Variants in IL1RAPL2 observed in about 807,000 individuals in gnomAD.
The protein encoded by IL1RAPL2 is interleukin 1 receptor accessory protein like 2.
IL1RAPL2 carries 3 observed loss-of-function variants against 44.1 expected under a neutral mutation model. The ratio of observed to expected loss-of-function variants is 0.07; its 90% CI spans 0.03 to 0.18. The LOEUF is 0.18. IL1RAPL2 is among the 10% of genes least tolerant of loss of function. IL1RAPL2 has a pLI of 1.00. For missense variants in IL1RAPL2, 391 were observed against 496.4 expected (o/e 0.79, Z 2.02); for synonymous variants, 181 against 178.8 (o/e 1.01, Z -0.10).
At chrX:105,204,122 G>A (rs2033740733) in intron 3 of IL1RAPL2, among the ~76,000 whole-genome samples, 1 of 110,429 alleles carries the variant, frequency 9.1e-6, no homozygotes, top group Non-Finnish European at 1.9e-5. Flanking sequence ...TCAAAGTGAA[G>A]CAGGAAAATC....
intron 5 of IL1RAPL2, among the ~76,000 whole-genome samples, chrX:105,305,355 C>A (rs1208039178): frequency 4.5e-5 from 5 of 111,753 alleles, no homozygotes; most frequent in South Asian, 7.5e-4. Flanking sequence ...CACATACACA[C>A]ACACACGCAC....
At chrX:105,707,727 T>C in intron 6 of IL1RAPL2, among the ~76,000 whole-genome samples, 1 of 112,219 alleles carries the variant, frequency 8.9e-6, no homozygotes. Context: ...TGGGTTTCTG[T>C]GATGATTAAT....
intron 6 of IL1RAPL2, among the ~76,000 whole-genome samples, chrX:105,530,272 T>C (rs752726214): frequency 8.9e-6 from 1 of 111,885 alleles, no homozygotes; most frequent in South Asian, 3.7e-4. Context: ...AGAATGTGTA[T>C]GAAGTGGGTG....
In IL1RAPL2 at chrX:104,625,225, TG is replaced by T. The variant is rs754766565; in HGVS notation, c.-19-33669del. On this transcript the variant is annotated intron_variant, in intron 1 of 10. Coordinates refer to ENST00000372582, the MANE Select transcript of IL1RAPL2 (RefSeq NM_017416.2). ...CCACATATTCATCTATCCACATACC[TG>T]TGCACCAAATTATTTCTTACTTACT... is the stretch of plus-strand genomic sequence containing the variant. 1.8e-4 allele frequency among the ~76,000 whole-genome samples: 20 copies of T among 111,508 alleles called. 1 individual carries two copies. In the South Asian group the frequency reaches 6.4e-3, roughly 35 times the overall value.
intron 1 of IL1RAPL2, among the ~76,000 whole-genome samples, chrX:104,628,038 A>C (rs1383300225): frequency 1.8e-5 from 2 of 111,605 alleles, no homozygotes; most frequent in Admixed American, 9.6e-5. Context: ...GAACTAAATA[A>C]TTTTATATTT....
intron 2 of IL1RAPL2, among the ~76,000 whole-genome samples, chrX:104,901,432 G>C (rs1014670206): frequency 6.5e-5 from 7 of 108,431 alleles, no homozygotes; most frequent in Non-Finnish European, 1.3e-4. Context: ...AGGATGGTCT[G>C]GATCTCCTGA....
rs753635950 is a variant in IL1RAPL2 at position 104,932,291 on chromosome X, G to A, written c.83-263184G>A. On this transcript the variant is annotated intron_variant, in intron 2 of 10. Transcript: ENST00000372582. ...TGGGATTACAGGCGTGAGCCACCGC[G>A]CTCGGCCACTATGAGTATATATTAA... Among the ~76,000 whole-genome samples, 74 of 110,183 alleles carry A rather than the reference G, an allele frequency of 6.7e-4. 1 individual carries two copies. Among genetic ancestry groups the A allele is most frequent in the African/African-American group, 1.8e-3 (56 of 30,342 alleles).
intron 2 of IL1RAPL2, among the ~76,000 whole-genome samples, chrX:105,150,232 T>C (rs934436234): frequency 8.9e-6 from 1 of 111,739 alleles, no homozygotes; most frequent in Non-Finnish European, 1.9e-5. Flanking sequence ...TTGGTTATTC[T>C]CTTTGGTACT....
chrX:104,703,590 GC>G (rs755619590), intron 2 of IL1RAPL2, among the ~76,000 whole-genome samples: 67 of 111,988 alleles, frequency 6.0e-4, no homozygotes, highest in Middle Eastern at 4.6e-3. Flanking sequence ...AAATGGATGA[GC>G]CCAAGCTGTG....
At chrX:104,774,284 T>C (rs1932685461) in intron 2 of IL1RAPL2, among the ~76,000 whole-genome samples, 1 of 111,695 alleles carries the variant, frequency 9.0e-6, no homozygotes, top group Admixed American at 9.5e-5. Flanking sequence ...TGCTCTATTG[T>C]GTCAATAGTA....
intron 1 of IL1RAPL2, among the ~76,000 whole-genome samples, chrX:104,652,804 C>T (rs776295892): frequency 9.0e-6 from 1 of 111,417 alleles, no homozygotes; most frequent in Non-Finnish European, 1.9e-5. Context: ...GATTTTAAAG[C>T]TTTGGCTTGC....
chrX:104,978,700 A>G (rs951970396), intron 2 of IL1RAPL2, among the ~76,000 whole-genome samples: 1 of 112,520 alleles, frequency 8.9e-6, no homozygotes, highest in Non-Finnish European at 1.9e-5. Flanking sequence ...TTATAATTGT[A>G]TAAGTATGTA....
chrX:104,944,732 A>G (rs1406193667), intron 2 of IL1RAPL2, among the ~76,000 whole-genome samples: 4 of 111,729 alleles, frequency 3.6e-5, no homozygotes, highest in African/African-American at 9.7e-5. Flanking sequence ...ATGATCTTAG[A>G]CTAATTATTT....
At chrX:104,762,712 T>C (rs1042620902) in intron 2 of IL1RAPL2, among the ~76,000 whole-genome samples, 1 of 112,536 alleles carries the variant, frequency 8.9e-6, no homozygotes, top group Admixed American at 9.3e-5. Flanking sequence ...TAGCCAGAGG[T>C]TCCCAAACCC....
intron 2 of IL1RAPL2, among the ~76,000 whole-genome samples, chrX:104,840,694 G>A (rs1178607142): frequency 9.7e-6 from 1 of 102,611 alleles, no homozygotes; most frequent in Non-Finnish European, 2.0e-5. Flanking sequence ...TTTTTTTTGA[G>A]ACAGAGTTTC....
In IL1RAPL2 at chrX:105,416,352, C is replaced by T. The variant is rs982645349; in HGVS notation, c.698-67961C>T. Among the ~76,000 whole-genome samples the T allele has an allele frequency of 3.6e-5, 4 of 111,859 alleles. No homozygotes were observed. The South Asian group carries it at 1.5e-3, about 41-fold the overall frequency. ...CAATGTCTCAACACCTGAAGTACTC[C>T]CACTTCTGCCTCTGTGCCTTGTCTA... On this transcript the variant is annotated intron_variant, in intron 5 of 10. Coordinates refer to ENST00000372582, the MANE Select transcript of IL1RAPL2 (RefSeq NM_017416.2).
chrX:104,623,103 A>G (rs1338962738), intron 1 of IL1RAPL2, among the ~76,000 whole-genome samples: 1 of 111,196 alleles, frequency 9.0e-6, no homozygotes, highest in Non-Finnish European at 1.9e-5. Context: ...CCTTTACATT[A>G]TAAAGTTGCT....
At chrX:105,279,477 GTTTGTTTGTTTTGT>G (rs924269806) in intron 5 of IL1RAPL2, among the ~76,000 whole-genome samples, 23 of 110,981 alleles carry the variant, frequency 2.1e-4, no homozygotes, top group African/African-American at 7.2e-4. Flanking sequence ...ATTATTTTTT[GTTTGTTTGTTTTGT>G]TTTGTTTGAG....
At chrX:104,760,553 A>C (rs766765766) in intron 2 of IL1RAPL2, among the ~76,000 whole-genome samples, 1 of 111,736 alleles carries the variant, frequency 8.9e-6, no homozygotes, top group Non-Finnish European at 1.9e-5. Flanking sequence ...GCACATTTTT[A>C]TGTCCCTACT....
Sources: gnomAD v4.1 joint callset for allele counts (sites outside exome capture counted in the v4.1 genomes callset) on GRCh38, gnomAD v4.1.1 for gene constraint, MANE v1.5 for transcripts, NCBI Gene and HGNC (gene_info 2026-07-23, HGNC 2026-07-21) for gene names.